The following AGMO variants were observed in gnomAD, a reference collection of about 807,000 sequenced individuals.
AGMO encodes the protein alkylglycerol monooxygenase, also known as glyceryl-ether monooxygenase.
AGMO carries 75 observed loss-of-function variants against 60.2 expected under a neutral mutation model. The observed-to-expected ratio is 1.25, with a 90% CI of 1.03 to 1.51. The LOEUF (loss-of-function observed/expected upper bound fraction) is 1.51. Among genes scored for constraint, AGMO ranks in the 40% most tolerant of loss-of-function variants. The probability of loss-of-function intolerance (pLI) is 0.00; values close to 1 mark genes in which losing one functional copy is unlikely to be tolerated. For missense variants in AGMO, 763 were observed against 525.5 expected (o/e 1.45, Z -4.42); for synonymous variants, 261 against 177.1 (o/e 1.47, Z -3.76).
At chr7:15,330,197 A>G (rs557915576) in intron 12 of AGMO, among the ~76,000 whole-genome samples, 2 of 152,278 alleles carry the variant, frequency 1.3e-5, no homozygotes, top group South Asian at 4.2e-4. Flanking sequence ...GTGTTTAAAA[A>G]GTAATACATC....
intron 3 of AGMO, among the ~76,000 whole-genome samples, chr7:15,438,139 C>T (rs952167520): frequency 1.3e-5 from 2 of 152,034 alleles, no homozygotes; most frequent in African/African-American, 2.4e-5. Context: ...AAGAATTTAT[C>T]ATCTTTTCAA....
chr7:15,127,355 C>T, the AGMO span, among the ~76,000 whole-genome samples: 1 of 152,008 alleles, frequency 6.6e-6, no homozygotes, highest in Non-Finnish European at 1.5e-5. Context: ...TAATATGGCA[C>T]CATTGTTGCC....
At chr7:15,316,613 C>T (rs985631288) in intron 12 of AGMO, among the ~76,000 whole-genome samples, 5 of 151,692 alleles carry the variant, frequency 3.3e-5, no homozygotes, top group African/African-American at 7.2e-5. Context: ...CAAATATACA[C>T]ACACACACAC....
At chr7:15,230,634 T>C (rs1455912084) in intron 12 of AGMO, among the ~76,000 whole-genome samples, 1 of 152,230 alleles carries the variant, frequency 6.6e-6, no homozygotes, top group East Asian at 1.9e-4. Flanking sequence ...GGTCTCTTTA[T>C]CTGAGGCCTT....
At chr7:15,443,990 T>C (rs1781633664) in intron 3 of AGMO, among the ~76,000 whole-genome samples, 1 of 152,202 alleles carries the variant, frequency 6.6e-6, no homozygotes, top group Non-Finnish European at 1.5e-5. Context: ...TATTATGCAA[T>C]GCTTATTATC....
In AGMO at chr7:15,406,559, TACAC is replaced by T. The variant is rs201255638; in HGVS notation, c.609+11995_609+11998del. Among the ~76,000 whole-genome samples, 216 of 65,922 alleles carry T rather than the reference TACAC, an allele frequency of 3.3e-3. 7 individuals are homozygous for T. Among genetic ancestry groups the T allele is most frequent in the Non-Finnish European group, 3.8e-3 (133 of 35,126 alleles). 43.2% of individuals were successfully genotyped at this position (65,922 alleles called of 152,430 possible). A position where few individuals can be genotyped will look rare whatever the true frequency, so the allele number is the denominator to read the frequency against. On this transcript the variant is annotated intron_variant, in intron 5 of 12. Coordinates refer to ENST00000342526, the MANE Select transcript of AGMO (RefSeq NM_001004320.2). ...ACTCAAAAGGCCCCTTTGTTTGGAATACACACACACACACACACACACACACACA... is the reference window on the plus strand; with the variant it reads ...ACTCAAAAGGCCCCTTTGTTTGGAATACACACACACACACACACACACACA...
intron 12 of AGMO, among the ~76,000 whole-genome samples, chr7:15,240,479 T>C (rs1011451364): frequency 6.6e-6 from 1 of 152,170 alleles, no homozygotes; most frequent in Non-Finnish European, 1.5e-5. Context: ...TCTATCATTT[T>C]CTTTCATACA....
intron 8 of AGMO, among the ~76,000 whole-genome samples, chr7:15,390,155 T>A (rs1443205221): frequency 1.3e-5 from 2 of 151,948 alleles, no homozygotes; most frequent in Admixed American, 1.3e-4. Context: ...GAACAACCAG[T>A]ACCACATGTC....
intron 3 of AGMO, among the ~76,000 whole-genome samples, chr7:15,488,670 T>C (rs2128520100): frequency 6.6e-6 from 1 of 152,240 alleles, no homozygotes; most frequent in African/African-American, 2.4e-5. Context: ...GAACAGATAG[T>C]AGGTACTTAA....
chr7:15,340,583 G>A (rs1217465143), intron 12 of AGMO, among the ~76,000 whole-genome samples: 1 of 152,174 alleles, frequency 6.6e-6, no homozygotes, highest in Non-Finnish European at 1.5e-5. Flanking sequence ...GTGGCTAAAA[G>A]GGGCCAAGAT....
chr7:15,337,039 C>G (rs1266105164), intron 12 of AGMO, among the ~76,000 whole-genome samples: 1 of 152,172 alleles, frequency 6.6e-6, no homozygotes, highest in Non-Finnish European at 1.5e-5. Flanking sequence ...ACAATATCAT[C>G]ATATGCCATC....
intron 5 of AGMO, among the ~76,000 whole-genome samples, chr7:15,411,160 C>G (rs1029731798): frequency 4.6e-5 from 7 of 151,936 alleles, no homozygotes. Context: ...TGATTGCTTG[C>G]CCTCTGCCAT....
At chr7:15,219,597 G>T (rs1781853881) in intron 12 of AGMO, among the ~76,000 whole-genome samples, 1 of 152,080 alleles carries the variant, frequency 6.6e-6, no homozygotes, top group Non-Finnish European at 1.5e-5. Flanking sequence ...CAAGATAGGT[G>T]ATTGAAGCGT....
intron 5 of AGMO, among the ~76,000 whole-genome samples, chr7:15,411,558 A>G (rs1026286129): frequency 3.9e-5 from 6 of 152,064 alleles, no homozygotes; most frequent in African/African-American, 1.4e-4. Context: ...TGTATTTACA[A>G]TATTCATATT....
intron 6 of AGMO, among the ~76,000 whole-genome samples, chr7:15,391,939 A>C (rs1194240952): frequency 1.3e-5 from 2 of 152,312 alleles, no homozygotes; most frequent in East Asian, 3.9e-4. Context: ...CCAAAATGTC[A>C]ATAGTGCCGA....
At chr7:15,432,899 C>T (rs1022421190) in intron 3 of AGMO, among the ~76,000 whole-genome samples, 1 of 152,058 alleles carries the variant, frequency 6.6e-6, no homozygotes, top group East Asian at 1.9e-4. Flanking sequence ...TTTATATCTT[C>T]AGATGTTAGG....
At chr7:15,253,596 G>T (rs1192997089) in intron 12 of AGMO, among the ~76,000 whole-genome samples, 1 of 152,016 alleles carries the variant, frequency 6.6e-6, no homozygotes, top group Non-Finnish European at 1.5e-5. Context: ...TACATATTTA[G>T]GGACTACAAT....
intron 12 of AGMO, among the ~76,000 whole-genome samples, chr7:15,293,796 A>G (rs922896733): frequency 2.0e-5 from 3 of 152,216 alleles, no homozygotes; most frequent in Admixed American, 2.0e-4. Context: ...CCTTGCTTAA[A>G]ATAACACATT....
chr7:15,253,406 A>G (rs1447670106), intron 12 of AGMO, among the ~76,000 whole-genome samples: 2 of 152,146 alleles, frequency 1.3e-5, no homozygotes, highest in Non-Finnish European at 2.9e-5. Flanking sequence ...AAGGGAGGCT[A>G]TTAGTCATTC....
Sources: allele counts gnomAD v4.1 joint callset (sites outside exome capture counted in the v4.1 genomes callset), GRCh38; gene constraint gnomAD v4.1.1; transcripts MANE v1.5; gene names NCBI Gene and HGNC (gene_info 2026-07-23, HGNC 2026-07-21).